Variants in CNTNAP2 observed in about 807,000 individuals in gnomAD.
CNTNAP2 encodes the protein contactin associated protein 2, also known as contactin-associated protein-like 2.
A neutral mutation model predicts 155.2 loss-of-function variants in CNTNAP2; 98 were observed. The ratio of observed to expected loss-of-function variants is 0.63; its 90% confidence interval spans 0.54 to 0.75. CNTNAP2 has a LOEUF of 0.75. Among genes scored for constraint, CNTNAP2 ranks in the 30% least tolerant of loss-of-function variants. The pLI is 0.00. For synonymous variants in CNTNAP2, 651 were observed against 631.2 expected (o/e 1.03, Z -0.47); for missense variants, 1,727 against 1,688.1 (o/e 1.02, Z -0.40).
chr7:146,857,874 A>G lies in CNTNAP2; in HGVS notation c.402+17970A>G, dbSNP rs146474987. Among the ~76,000 whole-genome samples, 1,259 of 152,342 alleles carry G rather than the reference A, an allele frequency of 8.3e-3. 13 individuals are homozygous for G. Among genetic ancestry groups the G allele is most frequent in the African/African-American group, 0.029 (1,198 of 41,576 alleles). Reference sequence around the variant, plus strand: ...ACATAGAACACTAAACTGTGGAATCATATTTGTTTCACAGGATTTGTAAGG... The same window carrying G: ...ACATAGAACACTAAACTGTGGAATCGTATTTGTTTCACAGGATTTGTAAGG... On this transcript the variant is annotated intron_variant, in intron 3 of 23. Transcript: ENST00000361727.
chr7:147,813,702 T>G (rs1391548125), intron 13 of CNTNAP2, among the ~76,000 whole-genome samples: 1 of 152,214 alleles, frequency 6.6e-6, no homozygotes, highest in Non-Finnish European at 1.5e-5. Context: ...TATTACTCAC[T>G]GAACAGATGA....
intron 3 of CNTNAP2, among the ~76,000 whole-genome samples, chr7:146,913,042 C>T (rs1331686622): frequency 6.6e-6 from 1 of 152,080 alleles, no homozygotes; most frequent in Admixed American, 6.5e-5. Flanking sequence ...TGGAGTTTAT[C>T]ACTTTTCATA....
intron 12 of CNTNAP2, among the ~76,000 whole-genome samples, chr7:147,616,516 G>T (rs1801296373): frequency 6.6e-6 from 1 of 152,010 alleles, no homozygotes; most frequent in African/African-American, 2.4e-5. Flanking sequence ...AAAATAATCT[G>T]CCAGATTATT....
At chr7:148,046,842 T>G (rs1427556892) in intron 15 of CNTNAP2, among the ~76,000 whole-genome samples, 2 of 152,236 alleles carry the variant, frequency 1.3e-5, no homozygotes, top group Non-Finnish European at 2.9e-5. Flanking sequence ...CAGAAGAATG[T>G]TCTTCAATTT....
At chr7:146,998,211 C>T (rs575960371) in intron 3 of CNTNAP2, among the ~76,000 whole-genome samples, 2 of 151,934 alleles carry the variant, frequency 1.3e-5, no homozygotes, top group African/African-American at 2.4e-5. Context: ...TGCTATATCC[C>T]GCAGAATATG....
chr7:146,952,718 C>A (rs1336329761), intron 3 of CNTNAP2, among the ~76,000 whole-genome samples: 4 of 152,058 alleles, frequency 2.6e-5, no homozygotes, highest in African/African-American at 7.2e-5. Context: ...ATACAACTTA[C>A]AAGGGATGTG....
At chr7:146,287,221 G>A (rs1210581918) in intron 1 of CNTNAP2, among the ~76,000 whole-genome samples, 4 of 152,156 alleles carry the variant, frequency 2.6e-5, no homozygotes, top group East Asian at 3.9e-4. Flanking sequence ...GAGTGGGAAG[G>A]AGGGATGACT....
intron 15 of CNTNAP2, among the ~76,000 whole-genome samples, chr7:148,036,092 G>C (rs987795841): frequency 2.0e-5 from 3 of 152,132 alleles, no homozygotes; most frequent in African/African-American, 7.2e-5. Context: ...AACTTCACAG[G>C]CTCATAGCTA....
At chr7:146,546,816 A>G (rs887843980) in intron 1 of CNTNAP2, among the ~76,000 whole-genome samples, 1 of 151,802 alleles carries the variant, frequency 6.6e-6, no homozygotes, top group Non-Finnish European at 1.5e-5. Flanking sequence ...GTAAGAACTC[A>G]CTCACTATCA....
Position 148,050,087 on chromosome 7 carries a change from G to A in CNTNAP2, c.2384-68031G>A, listed in dbSNP as rs536650292. ...TGAGGCAGAAGAATCACTTGAGCCC[G>A]GGAGGCAGTTTGCAGTAAGCCAAGA... On this transcript the variant is annotated intron_variant, in intron 15 of 23. Transcript: ENST00000361727. Among the ~76,000 whole-genome samples, 51 of 152,274 alleles carry A rather than the reference G, an allele frequency of 3.3e-4. No individual in the cohort carries two copies. In the East Asian group the frequency reaches 7.3e-3, roughly 22 times the overall value.
intron 1 of CNTNAP2, among the ~76,000 whole-genome samples, chr7:146,327,647 G>A (rs1242644543): frequency 6.6e-6 from 1 of 152,120 alleles, no homozygotes; most frequent in Non-Finnish European, 1.5e-5. Flanking sequence ...AATTTTTATG[G>A]TGGCATAATT....
At chr7:148,265,509 G>A (rs182059208) in intron 20 of CNTNAP2, among the ~76,000 whole-genome samples, 123 of 152,152 alleles carry the variant, frequency 8.1e-4, no homozygotes, top group Non-Finnish European at 1.2e-3. Context: ...TCCTGGACTC[G>A]AGAGATCCAC....
intron 2 of CNTNAP2, among the ~76,000 whole-genome samples, chr7:146,802,724 A>G (rs1029411526): frequency 6.6e-6 from 1 of 152,174 alleles, no homozygotes; most frequent in Non-Finnish European, 1.5e-5. Context: ...CTGTGAGTCA[A>G]TTAAACCTCT....
chr7:146,907,004 T>C (rs1452375291), intron 3 of CNTNAP2, among the ~76,000 whole-genome samples: 1 of 149,396 alleles, frequency 6.7e-6, no homozygotes, highest in African/African-American at 2.5e-5. Context: ...ACGTGAAGAA[T>C]GCAGAAGCCT....
chr7:148,046,735 T>C (rs1376539055), intron 15 of CNTNAP2, among the ~76,000 whole-genome samples: 8 of 152,222 alleles, frequency 5.3e-5, no homozygotes, highest in African/African-American at 1.7e-4. Flanking sequence ...TATTTATAAA[T>C]TTGAATCAAA....
intron 10 of CNTNAP2, among the ~76,000 whole-genome samples, chr7:147,469,802 G>C (rs1223260211): frequency 6.6e-6 from 1 of 152,104 alleles, no homozygotes; most frequent in Non-Finnish European, 1.5e-5. Context: ...ACAGGCGTGA[G>C]CCACTGAGCC....
chr7:146,872,671 A>G (rs568710169), intron 3 of CNTNAP2, among the ~76,000 whole-genome samples: 5 of 152,234 alleles, frequency 3.3e-5, no homozygotes, highest in African/African-American at 1.2e-4. Flanking sequence ...AAACATATCA[A>G]AATAACTGTC....
chr7:146,360,534 A>C (rs575963947), intron 1 of CNTNAP2, among the ~76,000 whole-genome samples: 1 of 152,190 alleles, frequency 6.6e-6, no homozygotes, highest in Non-Finnish European at 1.5e-5. Context: ...AGGGAGTTAC[A>C]TTTTGTTGAA....
At chr7:147,936,107 A>G (rs753632604) in intron 14 of CNTNAP2, among the ~76,000 whole-genome samples, 5 of 152,210 alleles carry the variant, frequency 3.3e-5, no homozygotes, top group Non-Finnish European at 7.3e-5. Context: ...TTTAAAATAT[A>G]TATGTTGGTT....
Sources: gnomAD v4.1 joint callset for allele counts (sites outside exome capture counted in the v4.1 genomes callset) on GRCh38, gnomAD v4.1.1 for gene constraint, MANE v1.5 for transcripts, NCBI Gene and HGNC (gene_info 2026-07-23, HGNC 2026-07-21) for gene names.